The following DCHS2 variants were observed in gnomAD, a reference collection of about 807,000 sequenced individuals.
The protein encoded by DCHS2 is dachsous cadherin-related 2, also known as protocadherin-23.
Under a neutral mutation model 182.4 loss-of-function variants are expected in DCHS2, and 142 were observed. That is an observed-to-expected ratio of 0.78 (90% CI 0.68 to 0.89). The LOEUF is 0.89. Ranked by LOEUF, DCHS2 falls within the 40% of genes least tolerant of loss-of-function variation. The pLI is 0.00. For synonymous variants in DCHS2, 1,740 were observed against 1,663.3 expected, an observed-to-expected ratio of 1.05 and a Z score of -1.12; for missense variants, 4,319 against 4,198.6, an observed-to-expected ratio of 1.03 and a Z score of -0.79.
chr4:154,436,915 A>C lies in DCHS2; in HGVS notation c.2052+52389T>G, dbSNP rs186758765. Reference sequence around the variant, plus strand: ...CTTCCATCGATTACATGTTGAAATAATAAGATTTGGGATATATTCTTTAAA... The same window carrying C: ...CTTCCATCGATTACATGTTGAAATACTAAGATTTGGGATATATTCTTTAAA... On this transcript the variant is annotated intron_variant, in intron 1 of 19. Transcript: ENST00000357232. Among the ~76,000 whole-genome samples, 24 of 152,338 alleles carry C rather than the reference A, an allele frequency of 1.6e-4. No individual in the cohort carries two copies. The East Asian group carries it at 4.4e-3, about 28-fold the overall frequency.
intron 1 of DCHS2, among the ~76,000 whole-genome samples, chr4:154,408,529 T>C (rs1732492918): frequency 1.3e-5 from 2 of 152,164 alleles, no homozygotes; most frequent in Non-Finnish European, 2.9e-5. Context: ...AAGGAAAGAT[T>C]TAAGAATTAT....
intron 1 of DCHS2, among the ~76,000 whole-genome samples, chr4:154,414,235 T>G (rs1341249685): frequency 6.6e-6 from 1 of 151,176 alleles, no homozygotes; most frequent in African/African-American, 2.4e-5. Context: ...CAATTCAGAG[T>G]GATATCTCTT....
chr4:154,332,946 C>T lies in DCHS2; in HGVS notation c.3262G>A (p.Val1088Ile). ...HSPSWTFEHL[V>I]YQVEVSESLS... is the part of the protein sequence containing the mutation. Reference sequence around the variant, plus strand: ...GACTCACTGACTTCCACTTGATAGACCAAATGTTCGAAAGTCCAGGATGGG... The same window carrying T: ...GACTCACTGACTTCCACTTGATAGATCAAATGTTCGAAAGTCCAGGATGGG... The change falls in exon 5 of 20, where the codon GTC becomes ATC. Residue 1088 changes from valine to isoleucine, a missense_variant. Val to Ile is a conservative substitution (Grantham distance 29, BLOSUM62 3). Transcript: ENST00000357232. 6.2e-7 allele frequency: 1 copy of T among 1,614,208 alleles called. No homozygotes were observed. Among genetic ancestry groups the T allele is most frequent in the South Asian group, 1.1e-5 (1 of 91,086 alleles).
intron 16 of DCHS2, among the ~76,000 whole-genome samples, chr4:154,244,982 G>C (rs1732006107): frequency 6.6e-6 from 1 of 152,004 alleles, no homozygotes. Flanking sequence ...TTCTACTGTA[G>C]CCATAATTAC....
At chr4:154,355,058 G>C (rs1729797101) in intron 3 of DCHS2, among the ~76,000 whole-genome samples, 1 of 152,074 alleles carries the variant, frequency 6.6e-6, no homozygotes, top group African/African-American at 2.4e-5. Context: ...AGAGGTGCTT[G>C]AACCAGAGTG....
intron 1 of DCHS2, among the ~76,000 whole-genome samples, chr4:154,414,295 T>C (rs961949765): frequency 3.9e-5 from 6 of 152,084 alleles, no homozygotes; most frequent in Admixed American, 1.3e-4. Context: ...TAATCTACTT[T>C]TTCAAGATTT....
Position 154,320,836 on chromosome 4 carries a change from C to T in DCHS2, c.4563G>A (p.Glu1521=). ...QDELIVISVE[E]NVPIGTLVYV... is the part of the protein sequence containing the mutation. Reference sequence around the variant, plus strand: ...ACACCAGGGTTCCTATGGGAACATTCTCCTCTACACTGATCACAATGAGCT... The same window carrying T: ...ACACCAGGGTTCCTATGGGAACATTTTCCTCTACACTGATCACAATGAGCT... The change falls in exon 9 of 20, where the codon GAG becomes GAA. Residue 1521 remains glutamate, a synonymous_variant. Coordinates refer to ENST00000357232, the MANE Select transcript of DCHS2 (RefSeq NM_001358235.2). 4 of 1,614,022 alleles carry T rather than the reference C, an allele frequency of 2.5e-6. No homozygotes were observed. In the South Asian group the frequency reaches 4.4e-5, roughly 18 times the overall value.
chr4:154,424,378 C>A (rs1031978312), intron 1 of DCHS2, among the ~76,000 whole-genome samples: 2 of 152,128 alleles, frequency 1.3e-5, no homozygotes, highest in African/African-American at 2.4e-5. Context: ...AAATAAAAAG[C>A]TTCCCTTGTC....
chr4:154,293,875 A>G (rs67121281), intron 13 of DCHS2, among the ~76,000 whole-genome samples: 7,099 of 152,128 alleles, frequency 0.047, 397 homozygotes, highest in Admixed American at 0.17. Flanking sequence ...GGGTCAACTC[A>G]CCACACCCTG....
At chr4:154,268,467 G>A (rs1053846277) in intron 14 of DCHS2, among the ~76,000 whole-genome samples, 3 of 152,172 alleles carry the variant, frequency 2.0e-5, no homozygotes, top group Non-Finnish European at 2.9e-5. Context: ...TCTGTGTGGG[G>A]CAGAGTAGGA....
intron 10 of DCHS2, among the ~76,000 whole-genome samples, chr4:154,305,984 G>A (rs1269011466): frequency 6.6e-6 from 1 of 152,068 alleles, no homozygotes; most frequent in African/African-American, 2.4e-5. Flanking sequence ...GAATCTAGGT[G>A]TACACACAGT....
At chr4:154,377,947 C>T (rs1040943531) in intron 1 of DCHS2, among the ~76,000 whole-genome samples, 2 of 152,060 alleles carry the variant, frequency 1.3e-5, no homozygotes, top group Non-Finnish European at 2.9e-5. Context: ...AAACCCAATC[C>T]CAGTGACAGA....
At chr4:154,453,754 C>G (rs1560768303) in intron 1 of DCHS2, among the ~76,000 whole-genome samples, 1 of 152,156 alleles carries the variant, frequency 6.6e-6, no homozygotes, top group Non-Finnish European at 1.5e-5. Context: ...GTCCCTGTGT[C>G]CTTCACAAAC....
At chr4:154,393,380 G>A (rs1005647414) in intron 1 of DCHS2, among the ~76,000 whole-genome samples, 1 of 151,626 alleles carries the variant, frequency 6.6e-6, no homozygotes, top group African/African-American at 2.4e-5. Context: ...TTGGTTGGGG[G>A]AAAAAAAATG....
chr4:154,236,659 A>G lies in DCHS2; in HGVS notation c.7993T>C (p.Phe2665Leu), dbSNP rs1731524564. Residue 2665 changes from phenylalanine to leucine, a missense_variant, in exon 20 of 20, where the codon TTC becomes CTC. By Grantham distance (22) the Phe-to-Leu change is conservative (BLOSUM62 0). Coordinates refer to ENST00000357232, the MANE Select transcript of DCHS2 (RefSeq NM_001358235.2). ...TGGGTGTGATAGCTCAGGCTGCTGA[A>G]GTTTGGGGGATTGTCATTGACATCA... ...VLDVNDNPPNFSSLSYHTHVK... is the reference protein window; with the variant it reads ...VLDVNDNPPNLSSLSYHTHVK... 1 of 1,613,836 alleles carries G rather than the reference A, an allele frequency of 6.2e-7. No homozygotes were observed. Among genetic ancestry groups the G allele is most frequent in the Admixed American group, 1.7e-5 (1 of 59,984 alleles).
At chr4:154,259,288 A>C (rs1392782782) in intron 15 of DCHS2, among the ~76,000 whole-genome samples, 2 of 152,194 alleles carry the variant, frequency 1.3e-5, no homozygotes, top group African/African-American at 4.8e-5. Context: ...AGTGCTCAAC[A>C]GTACTCCTAG....
chr4:154,253,190 A>AGT (rs1371660809), intron 16 of DCHS2, among the ~76,000 whole-genome samples: 7 of 148,664 alleles, frequency 4.7e-5, no homozygotes, highest in African/African-American at 1.8e-4. Flanking sequence ...AGAGAGAGAG[A>AGT]GAGTGTGTGT....
rs546992307 is a variant in DCHS2, at chr4:154,465,195, C to T, written c.2052+24109G>A. On this transcript the variant is annotated intron_variant, in intron 1 of 19. Transcript: ENST00000357232. The stretch of plus-strand genomic sequence containing the variant: ...CTGCAATCAAGGTGCCAGATCGAGC[C>T]GCAATCATGTAAGCCTTGACTGGGT... 3.9e-3 allele frequency among the ~76,000 whole-genome samples: 601 copies of T among 152,222 alleles called. 4 individuals are homozygous for T. Among genetic ancestry groups the T allele is most frequent in the Non-Finnish European group, 6.6e-3 (450 of 68,020 alleles).
At chr4:154,322,974 C>A in intron 7 of DCHS2, 2 of 420,466 alleles carry the variant, frequency 4.8e-6, no homozygotes, top group Admixed American at 3.9e-5. Context: ...AATTTTCAAC[C>A]ATCCCATAAA....
Sources: allele counts gnomAD v4.1 joint callset (sites outside exome capture counted in the v4.1 genomes callset), GRCh38; gene constraint gnomAD v4.1.1; transcripts MANE v1.5; gene names NCBI Gene and HGNC (gene_info 2026-07-23, HGNC 2026-07-21).